The following ARPP21 variants were observed in gnomAD, a reference collection of about 807,000 sequenced individuals.
ARPP21 encodes cAMP regulated phosphoprotein 21, also known as cAMP-regulated phosphoprotein 21.
Under a neutral mutation model 113.2 loss-of-function variants are expected in ARPP21, and 69 were observed. The observed-to-expected ratio is 0.61, with a 90% CI of 0.50 to 0.74. ARPP21 has a LOEUF of 0.74. Among genes scored for constraint, ARPP21 ranks in the 30% least tolerant of loss-of-function variants. The probability of loss-of-function intolerance (pLI) is 0.00; values close to 1 mark genes in which losing one functional copy is unlikely to be tolerated. For synonymous variants in ARPP21, 368 were observed against 375.5 expected, an observed-to-expected ratio of 0.98 and a Z score of 0.23; for missense variants, 1,070 against 1,037.4, an observed-to-expected ratio of 1.03 and a Z score of -0.43.
At chr3:35,674,678 C>T (rs2077066545) in intron 1 of ARPP21, among the ~76,000 whole-genome samples, 1 of 151,754 alleles carries the variant, frequency 6.6e-6, no homozygotes. Flanking sequence ...TTATGGCATT[C>T]TGATAGCTAT....
chr3:35,750,578 T>A (rs2095365920), intron 19 of ARPP21, among the ~76,000 whole-genome samples: 1 of 152,158 alleles, frequency 6.6e-6, no homozygotes. Flanking sequence ...ATCAGCCAAA[T>A]CAGGTTGGTT....
intron 19 of ARPP21, among the ~76,000 whole-genome samples, chr3:35,780,335 A>C (rs2096492605): frequency 6.6e-6 from 1 of 152,208 alleles, no homozygotes; most frequent in South Asian, 2.1e-4. Flanking sequence ...ATAAGTAATA[A>C]AATGCAATTC....
chr3:35,667,850 G>A (rs1379360317), intron 1 of ARPP21, among the ~76,000 whole-genome samples: 7 of 87,364 alleles, frequency 8.0e-5, no homozygotes, highest in African/African-American at 1.4e-4. Flanking sequence ...CAAAGAAGAA[G>A]AAGAAGAAGA....
At chr3:35,715,624 T>C in intron 12 of ARPP21, 148 bp downstream of exon 12, 1 of 536,004 alleles carries the variant, frequency 1.9e-6, no homozygotes, top group South Asian at 3.6e-5. Context: ...CACATATATG[T>C]TATTTAACAC....
intron 19 of ARPP21, among the ~76,000 whole-genome samples, chr3:35,788,112 G>A (rs561757839): frequency 3.3e-5 from 5 of 152,164 alleles, no homozygotes; most frequent in African/African-American, 4.8e-5. Context: ...AATTGACAGG[G>A]AGCCAAGAAA....
chr3:35,788,426 A>G (rs1396625764), intron 19 of ARPP21, among the ~76,000 whole-genome samples: 2 of 152,158 alleles, frequency 1.3e-5, no homozygotes, highest in Non-Finnish European at 2.9e-5. Flanking sequence ...TACCATATTA[A>G]GATTACTTCC....
chr3:35,715,240 A>G lies in ARPP21; in HGVS notation c.898-199A>G, dbSNP rs560205935. The G allele has an allele frequency of 5.0e-5, 26 of 522,970 alleles. No homozygotes were observed. The Admixed American group carries it at 8.0e-4, about 16-fold the overall frequency. 32.4% of individuals were successfully genotyped at this position (522,970 alleles called of 1,614,324 possible). A position where few individuals can be genotyped will look rare whatever the true frequency, so the allele number is the denominator to read the frequency against. ...AAACCTGGAGACGTCCTGAAGGAAAAATACCCTATGCTGCATGAGAATTGT... is the reference window on the plus strand; with the variant it reads ...AAACCTGGAGACGTCCTGAAGGAAAGATACCCTATGCTGCATGAGAATTGT... On this transcript the variant is annotated intron_variant, in intron 11 of 20. Transcript: ENST00000684406.
chr3:35,709,025 A>G lies in ARPP21; in HGVS notation c.852A>G (p.Arg284=), dbSNP rs1453121343. 5 of 1,613,890 alleles carry G rather than the reference A, an allele frequency of 3.1e-6. No individual in the cohort carries two copies. Among genetic ancestry groups the G allele is most frequent in the Non-Finnish European group, 4.2e-6 (5 of 1,179,796 alleles). ...DDRRSKSIEE[R]EEEYQRVRER... is the part of the protein sequence containing the mutation. ...GACGAAGTAAATCAATTGAAGAGAGAGAAGAGGAATATCAGAGAGTGAGGG... is the reference window on the plus strand; with the variant it reads ...GACGAAGTAAATCAATTGAAGAGAGGGAAGAGGAATATCAGAGAGTGAGGG... The change falls in exon 11 of 21, where the codon AGA becomes AGG. Residue 284 remains arginine, a synonymous_variant. Transcript: ENST00000684406.
chr3:35,698,752 G>A (rs762148079), intron 9 of ARPP21, among the ~76,000 whole-genome samples: 6 of 151,510 alleles, frequency 4.0e-5, no homozygotes, highest in Non-Finnish European at 7.4e-5. Flanking sequence ...TCTTTAACTC[G>A]TACCTATTGA....
chr3:35,660,980 G>A (rs1208430931), intron 1 of ARPP21, among the ~76,000 whole-genome samples: 2 of 152,154 alleles, frequency 1.3e-5, no homozygotes, highest in Non-Finnish European at 2.9e-5. Context: ...GTTTTTAGCA[G>A]ATTATAAATT....
intron 1 of ARPP21, among the ~76,000 whole-genome samples, chr3:35,674,233 G>T (rs1446870061): frequency 6.6e-6 from 1 of 151,888 alleles, no homozygotes; most frequent in Admixed American, 6.6e-5. Context: ...TGATATAGGA[G>T]ATCATAGAAC....
intron 1 of ARPP21, chr3:35,678,705 A>G (rs1273713831): frequency 6.6e-6 from 1 of 151,982 alleles, no homozygotes; most frequent in African/African-American, 2.4e-5. Context: ...ATATGTTATT[A>G]ATATAGCCAC....
chr3:35,767,791 C>G (rs73828912), intron 19 of ARPP21, among the ~76,000 whole-genome samples: 216 of 152,106 alleles, frequency 1.4e-3, no homozygotes, highest in African/African-American at 4.6e-3. Context: ...TAAACCTCCT[C>G]TTCATGCCTG....
chr3:35,736,071 A>T (rs1402904537), intron 15 of ARPP21, among the ~76,000 whole-genome samples: 1 of 152,242 alleles, frequency 6.6e-6, no homozygotes, highest in Admixed American at 6.5e-5. Context: ...GAAAGTGAAT[A>T]GACTTTGAAG....
intron 19 of ARPP21, among the ~76,000 whole-genome samples, chr3:35,758,521 A>G (rs2095652196): frequency 6.6e-6 from 1 of 151,948 alleles, no homozygotes; most frequent in South Asian, 2.1e-4. Flanking sequence ...AGTCTACCTC[A>G]AGTGCCTCTC....
At chr3:35,660,430 C>G (rs942361824) in intron 1 of ARPP21, among the ~76,000 whole-genome samples, 2 of 152,160 alleles carry the variant, frequency 1.3e-5, no homozygotes, top group South Asian at 2.1e-4. Context: ...TGCTTCCACC[C>G]CCTTATCCGC....
intron 14 of ARPP21, among the ~76,000 whole-genome samples, chr3:35,725,260 A>T (rs1394751215): frequency 6.6e-6 from 1 of 152,180 alleles, no homozygotes; most frequent in Admixed American, 6.5e-5. Context: ...TTTCAAAGGG[A>T]TGGCTCCCAG....
At chr3:35,656,268 C>T (rs1047252344) in intron 1 of ARPP21, among the ~76,000 whole-genome samples, 11 of 151,676 alleles carry the variant, frequency 7.3e-5, no homozygotes, top group Non-Finnish European at 1.6e-4. Context: ...AATAATAATC[C>T]CCTAATCCAC....
intron 19 of ARPP21, among the ~76,000 whole-genome samples, chr3:35,751,774 T>G (rs1480045251): frequency 6.6e-6 from 1 of 152,072 alleles, no homozygotes; most frequent in Non-Finnish European, 1.5e-5. Flanking sequence ...TTCTGCTACT[T>G]TAGCACCTAC....
Sources: gnomAD v4.1 joint callset for allele counts (sites outside exome capture counted in the v4.1 genomes callset) on GRCh38, gnomAD v4.1.1 for gene constraint, MANE v1.5 for transcripts, NCBI Gene and HGNC (gene_info 2026-07-23, HGNC 2026-07-21) for gene names.